The following RASGRF1 variants were observed in gnomAD, a reference collection of about 807,000 sequenced individuals.
RASGRF1 encodes Ras protein specific guanine nucleotide releasing factor 1, also known as ras-specific guanine nucleotide-releasing factor 1.
In RASGRF1, 40 loss-of-function variants were observed where a neutral mutation model predicts 138.7. The observed-to-expected ratio is 0.29, with a 90% CI of 0.22 to 0.38. The LOEUF is 0.38. Among genes scored for constraint, RASGRF1 ranks in the 10% least tolerant of loss-of-function variants. RASGRF1 has a pLI of 1.00. For missense variants in RASGRF1, 1,108 were observed against 1,650.4 expected (o/e 0.67, Z 5.69); for synonymous variants, 614 against 663.2 (o/e 0.93, Z 1.14).
intron 13 of RASGRF1, among the ~76,000 whole-genome samples, chr15:79,009,373 C>T (rs547203718): frequency 3.9e-5 from 6 of 152,282 alleles, no homozygotes; most frequent in Non-Finnish European, 5.9e-5. Context: ...ACAGCAACAT[C>T]GAGTAAGGGC....
chr15:79,006,236 C>T lies in RASGRF1; in HGVS notation c.2025G>A (p.Leu675=). The change falls in exon 14 of 27, where the codon CTG becomes CTA. Residue 675 remains leucine (L), a synonymous_variant. Coordinates refer to ENST00000558480, the MANE Select transcript of RASGRF1 (RefSeq NM_001145648.3). The surrounding 1 kb of genome is among the most constrained non-coding windows in gnomAD (Gnocchi z 4.0). The part of the protein sequence containing the change: ...YRVFTTAIVV[L]DKLITIYKKP... ...TCTTGTAGATGGTAATGAGCTTGTC[C>T]AGGACCACGATGGCGGTGGTGAAGA... is the stretch of plus-strand genomic sequence containing the variant. 1 of 1,614,196 alleles carries T rather than the reference C, an allele frequency of 6.2e-7. No homozygotes were observed. Among genetic ancestry groups the T allele is most frequent in the Non-Finnish European group, 8.5e-7 (1 of 1,180,050 alleles).
intron 23 of RASGRF1, 194 bp from the exon 24 acceptor site, chr15:78,980,893 G>T: frequency 2.3e-6 from 1 of 430,338 alleles, no homozygotes; most frequent in Non-Finnish European, 4.2e-6. Context: ...CTTGTTGAGT[G>T]TGCCTGTGCT....
At chr15:79,017,736 C>T in intron 12 of RASGRF1, 34 bp downstream of exon 12, 1 of 1,581,566 alleles carries the variant, frequency 6.3e-7, no homozygotes, top group Non-Finnish European at 8.6e-7. Context: ...CATGAAGGGA[C>T]CACTCGCTTT....
Position 79,016,232 on chromosome 15 carries a change from G to T in RASGRF1, c.1744-823C>A, listed in dbSNP as rs576327197. ...GTTTTGAGAATGTGTGTGTTGCAGG[G>T]AGGAGGGTGTCAAAGTCATTGGGAA... On this transcript the variant is annotated intron_variant, in intron 12 of 26. Coordinates refer to ENST00000558480, the MANE Select transcript of RASGRF1 (RefSeq NM_001145648.3). 7.9e-4 allele frequency among the ~76,000 whole-genome samples: 120 copies of T among 152,328 alleles called. 1 individual carries two copies. The highest frequency in any genetic ancestry group is 8.8e-5 in the Non-Finnish European group (6 of 68,026).
At position 79,050,094 on chromosome 15, in the gene RASGRF1, C is replaced by T. The variant is rs1446046155; in HGVS notation, c.532-506G>A. On this transcript the variant is annotated intron_variant, in intron 3 of 26. Coordinates refer to ENST00000558480, the MANE Select transcript of RASGRF1 (RefSeq NM_001145648.3). This position sits in a 1 kb window ranked among gnomAD's most constrained non-coding sequence, Gnocchi z 4.1. ...GTTGTGCAACCATCACCACCATTTACCTCCAGAACTCTTCATTTTGTAAAA... is the reference window on the plus strand; with the variant it reads ...GTTGTGCAACCATCACCACCATTTATCTCCAGAACTCTTCATTTTGTAAAA... 6.6e-6 allele frequency among the ~76,000 whole-genome samples: 1 copy of T among 152,196 alleles called. No homozygotes were observed. Among genetic ancestry groups the T allele is most frequent in the South Asian group, 2.1e-4 (1 of 4,830 alleles).
At chr15:79,018,686 G>A (rs943862608) in intron 11 of RASGRF1, among the ~76,000 whole-genome samples, 1 of 152,170 alleles carries the variant, frequency 6.6e-6, no homozygotes, top group Admixed American at 6.5e-5. Context: ...GTCCCTTCCA[G>A]TTCTGACACC....
intron 24 of RASGRF1, among the ~76,000 whole-genome samples, chr15:78,979,794 G>A (rs183398920): frequency 1.6e-4 from 25 of 152,270 alleles, no homozygotes; most frequent in African/African-American, 5.5e-4. Flanking sequence ...GACCGTCCAC[G>A]TGGCCTTGGA....
At position 79,064,515 on chromosome 15, in the gene RASGRF1, C is replaced by T. The variant is rs139580872; in HGVS notation, c.288G>A (p.Thr96=). 3.9e-5 allele frequency: 63 copies of T among 1,613,784 alleles called. No individual in the cohort carries two copies. The highest frequency in any genetic ancestry group is 1.3e-4 in the East Asian group (6 of 44,876). The stretch of plus-strand genomic sequence containing the variant: ...TCTGGTTCTCATGGCTGAAGTTCAC[C>T]GTGAAGTAATGCTGTATCAAGAAGA... ...KEPLEKQHYF[T]VNFSHENQKA... The change falls in exon 2 of 27, where the codon ACG becomes ACA. Residue 96 remains threonine, a synonymous_variant. Transcript: ENST00000558480.
intron 19 of RASGRF1, among the ~76,000 whole-genome samples, 192 bp from the exon 20 acceptor site, chr15:78,995,992 C>T (rs1355694668): frequency 6.6e-6 from 1 of 152,190 alleles, no homozygotes; most frequent in South Asian, 2.1e-4. Flanking sequence ...TGTGGGAGGT[C>T]CCCTTCTGGG....
intron 1 of RASGRF1, among the ~76,000 whole-genome samples, chr15:79,088,680 C>A (rs1457449283): frequency 6.6e-6 from 1 of 152,142 alleles, no homozygotes; most frequent in Non-Finnish European, 1.5e-5. Flanking sequence ...GCTTGGGCTG[C>A]AGGCCCCGGG....
chr15:78,985,322 T>C (rs2056129106), intron 22 of RASGRF1, 118 bp from the exon 23 acceptor site: 1 of 1,108,874 alleles, frequency 9.0e-7, no homozygotes. Flanking sequence ...ATTGGAAAAC[T>C]ACGAGAACAA....
chr15:79,035,582 A>C lies in RASGRF1; in HGVS notation c.879-372T>G, dbSNP rs1248453282. Among the ~76,000 whole-genome samples, 3 of 152,132 alleles carry C rather than the reference A, an allele frequency of 2.0e-5. No individual in the cohort carries two copies. In the South Asian group the frequency reaches 6.2e-4, roughly 32 times the overall value. ...TGCTGGGCCCCACACCCCCTCCCCC[A>C]AGGTATCTTGGAGGAAACCAGGGCT... On this transcript the variant is annotated intron_variant, in intron 5 of 26. Coordinates refer to ENST00000558480, the MANE Select transcript of RASGRF1 (RefSeq NM_001145648.3).
intron 3 of RASGRF1, among the ~76,000 whole-genome samples, chr15:79,049,997 G>A (rs2141031700): frequency 6.6e-6 from 1 of 152,294 alleles, no homozygotes; most frequent in East Asian, 1.9e-4. Context: ...TAAAACACAT[G>A]TAACATATTA....
At chr15:78,968,712 T>C (rs2141591892) in intron 26 of RASGRF1, among the ~76,000 whole-genome samples, 1 of 152,370 alleles carries the variant, frequency 6.6e-6, no homozygotes. Flanking sequence ...TTTTAGCCTC[T>C]GTTCCCAACT....
intron 5 of RASGRF1, among the ~76,000 whole-genome samples, chr15:79,038,790 C>G (rs2057256366): frequency 6.6e-6 from 1 of 152,156 alleles, no homozygotes; most frequent in Non-Finnish European, 1.5e-5. Flanking sequence ...CTTGGGGAAT[C>G]ATATCTTTCC....
intron 8 of RASGRF1, among the ~76,000 whole-genome samples, chr15:79,029,361 G>A (rs1216445699): frequency 6.6e-6 from 1 of 152,162 alleles, no homozygotes; most frequent in African/African-American, 2.4e-5. Context: ...TGATGAGGGT[G>A]GGGTTTTGCG....
chr15:79,069,795 G>A (rs544968600), intron 1 of RASGRF1, among the ~76,000 whole-genome samples: 3 of 152,168 alleles, frequency 2.0e-5, no homozygotes, highest in Non-Finnish European at 2.9e-5. Context: ...ATCTTTGTCT[G>A]CCTTCCTCAC....
intron 12 of RASGRF1, among the ~76,000 whole-genome samples, chr15:79,017,055 C>T (rs1031831242): frequency 6.6e-6 from 1 of 152,208 alleles, no homozygotes; most frequent in African/African-American, 2.4e-5. Flanking sequence ...CAGGGAGGGG[C>T]CTGTCCTGGG....
chr15:79,013,194 G>T (rs528626736), intron 13 of RASGRF1, among the ~76,000 whole-genome samples: 2 of 152,314 alleles, frequency 1.3e-5, no homozygotes, highest in Admixed American at 1.3e-4. Flanking sequence ...CACACACAAA[G>T]CTAGGGCTGG....
Sources: gnomAD v4.1 joint callset for allele counts (sites outside exome capture counted in the v4.1 genomes callset) on GRCh38, gnomAD v4.1.1 for gene constraint, Gnocchi (gnomAD v3.1) non-coding constraint, MANE v1.5 for transcripts, NCBI Gene and HGNC (gene_info 2026-07-23, HGNC 2026-07-21) for gene names.